The following BRD1 variants were observed in gnomAD, a reference collection of about 807,000 sequenced individuals.
The protein encoded by BRD1 is bromodomain-containing protein 1.
In BRD1, 24 loss-of-function variants were observed where a neutral mutation model predicts 107.7. The ratio of observed to expected loss-of-function variants is 0.22; its 90% confidence interval spans 0.16 to 0.31. The LOEUF (loss-of-function observed/expected upper bound fraction) is 0.31. BRD1 is among the 10% of genes least tolerant of loss of function. The pLI is 1.00. For synonymous variants in BRD1, 744 were observed against 686.1 expected (o/e 1.08, Z -1.32); for missense variants, 1,279 against 1,638.6 (o/e 0.78, Z 3.79).
At chr22:49,802,078 C>G (rs891650379) in intron 3 of BRD1, among the ~76,000 whole-genome samples, 1 of 152,280 alleles carries the variant, frequency 6.6e-6, no homozygotes, top group African/African-American at 2.4e-5. Flanking sequence ...GACCCAAGAT[C>G]TGAACCCTCA....
chr22:49,781,433 G>A (rs991467737), intron 8 of BRD1, among the ~76,000 whole-genome samples: 6 of 152,212 alleles, frequency 3.9e-5, no homozygotes, highest in Admixed American at 1.3e-4. Flanking sequence ...AGGTCTGACT[G>A]ATGGGCCGTA....
intron 2 of BRD1, among the ~76,000 whole-genome samples, chr22:49,812,188 C>T (rs2059863571): frequency 6.7e-6 from 1 of 150,224 alleles, no homozygotes; most frequent in Admixed American, 6.6e-5. Flanking sequence ...ACTGCAAGCT[C>T]CACCTCCTGG....
At chr22:49,819,876 T>C (rs1043670590) in intron 2 of BRD1, among the ~76,000 whole-genome samples, 1 of 152,022 alleles carries the variant, frequency 6.6e-6, no homozygotes. Context: ...ACGCCTGTAA[T>C]CCCAGCACTT....
In BRD1 at chr22:49,787,562, C is replaced by T. The variant is rs1466838603; in HGVS notation, c.2685G>A (p.Lys895=). The stretch of plus-strand genomic sequence containing the variant: ...GCTGGGTTTCAGTGTTCTTGGCAGA[C>T]TTTGGGGGGCTTACACTTTTCGATT... ...FCKSKSVSPP[K]SAKNTETQPT... The change falls in exon 8 of 13, where the codon AAG becomes AAA. Residue 895 remains lysine (K), a synonymous_variant. Transcript: ENST00000404760. The T allele has an allele frequency of 2.5e-6, 4 of 1,585,532 alleles. No homozygotes were observed. The African/African-American group carries it at 4.1e-5, about 16-fold the overall frequency.
chr22:49,777,038 T>C lies in BRD1; in HGVS notation c.3117A>G (p.Ala1039=). 1.2e-6 allele frequency: 2 copies of C among 1,613,114 alleles called. No individual in the cohort carries two copies. The highest frequency in any genetic ancestry group is 1.7e-6 in the Non-Finnish European group (2 of 1,179,980). Residue 1039 remains alanine (A), a synonymous_variant, in exon 10 of 13, where the codon GCA becomes GCG. Coordinates refer to ENST00000404760, the MANE Select transcript of BRD1 (RefSeq NM_001304808.3). ...NGNYAKAARI[A]AEVGQSSMWI... Reference sequence around the variant, plus strand: ...AGGCAGGTCCGGGCGACTCACCGGCTGCGATCCTGGCCGCCTTGGCGTAGT... The same window carrying C: ...AGGCAGGTCCGGGCGACTCACCGGCCGCGATCCTGGCCGCCTTGGCGTAGT...
Position 49,823,152 on chromosome 22 carries a change from G to C in BRD1, c.1166C>G (p.Thr389Arg). The stretch of plus-strand genomic sequence containing the variant: ...AGGCCTCCGGGTGCAGCCTGGAGGC[G>C]TGTGGACATCACAGTAAGCGGTCTT... ...VRKTAYCDVH[T>R]PPGCTRRPLN... The change falls in exon 2 of 13, where the codon ACG (threonine) becomes AGG (arginine). Residue 389 changes from threonine to arginine, a missense_variant. Physicochemically the swap from Thr to Arg is moderately conservative, Grantham distance 71. This residue lies in a region of BRD1 where 158 missense variants were observed against 310.2 expected (regional missense o/e 0.51). Transcript: ENST00000404760. 2 of 1,614,186 alleles carry C rather than the reference G, an allele frequency of 1.2e-6. No homozygotes were observed. The highest frequency in any genetic ancestry group is 1.7e-6 in the Non-Finnish European group (2 of 1,180,038).
chr22:49,794,756 T>A (rs570616768), intron 6 of BRD1, among the ~76,000 whole-genome samples: 58 of 152,352 alleles, frequency 3.8e-4, no homozygotes, highest in Middle Eastern at 3.4e-3. Flanking sequence ...CCATTGCACG[T>A]CCTAAGTGGT....
At chr22:49,774,466 T>G (rs762423666) in intron 12 of BRD1, 50 bp from the exon 13 acceptor site, 1 of 1,563,356 alleles carries the variant, frequency 6.4e-7, no homozygotes, top group South Asian at 1.2e-5. Context: ...ACATGGTATT[T>G]CAGCAGGCTC....
In BRD1 at chr22:49,784,381, G is replaced by A. The variant is rs558473513; in HGVS notation, c.2857+3009C>T. Among the ~76,000 whole-genome samples the A allele has an allele frequency of 5.9e-5, 9 of 152,058 alleles. No individual in the cohort carries two copies. The South Asian group carries it at 1.0e-3, about 18-fold the overall frequency. ...TCGCAGCAGGGGTCTCCGCAACGGC[G>A]GCGAGTGGAAGGCCGCTTCAGGTGA... On this transcript the variant is annotated intron_variant, in intron 8 of 12. Transcript: ENST00000404760.
In BRD1 at chr22:49,774,307, C is replaced by T; in HGVS notation, c.3496G>A (p.Ala1166Thr). 1.2e-6 allele frequency: 2 copies of T among 1,614,230 alleles called. No homozygotes were observed. Among genetic ancestry groups the T allele is most frequent in the South Asian group, 1.1e-5 (1 of 91,086 alleles). The change falls in exon 13 of 13, where the codon GCT becomes ACT. Residue 1166 changes from alanine to threonine, a missense_variant. Ala to Thr is a moderately conservative substitution (Grantham distance 58). This residue lies in a region of BRD1 where 136 missense variants were observed against 196.8 expected (regional missense o/e 0.69). Coordinates refer to ENST00000404760, the MANE Select transcript of BRD1 (RefSeq NM_001304808.3). ...AGGTGGTTCATGGCGCGGTCAAAAG[C>T]GATCCGCACGGCCTTCCGGATGCTG... ...NSSIRKAVRI[A>T]FDRAMNHLSR...
intron 7 of BRD1, among the ~76,000 whole-genome samples, chr22:49,788,426 G>A (rs2059370408): frequency 6.6e-6 from 1 of 152,090 alleles, no homozygotes; most frequent in African/African-American, 2.4e-5. Context: ...AGAAAGGCAG[G>A]GAAAAAAGCC....
chr22:49,820,380 T>C (rs565809616), intron 2 of BRD1, among the ~76,000 whole-genome samples: 227 of 152,178 alleles, frequency 1.5e-3, no homozygotes, highest in African/African-American at 5.3e-3. Context: ...ACCGGAGCCA[T>C]TGGTTAGTGC....
Position 49,823,997 on chromosome 22 carries a change from G to A in BRD1, c.321C>T (p.Ala107=), listed in dbSNP as rs1488853923. ...CACTGGCCGAGGCCGGCGTGCCGTGGGCGCTGGGGAGGGCCTCGTTTTTCT... is the reference window on the plus strand; with the variant it reads ...CACTGGCCGAGGCCGGCGTGCCGTGAGCGCTGGGGAGGGCCTCGTTTTTCT... ...VKKKNEALPS[A]HGTPASASAL... Residue 107 remains alanine (A), a synonymous_variant, in exon 2 of 13, where the codon GCC becomes GCT. Coordinates refer to ENST00000404760, the MANE Select transcript of BRD1 (RefSeq NM_001304808.3). 2 of 1,613,996 alleles carry A rather than the reference G, an allele frequency of 1.2e-6. No homozygotes were observed. The highest frequency in any genetic ancestry group is 1.1e-5 in the South Asian group (1 of 91,088).
At position 49,794,986 on chromosome 22, in the gene BRD1, A is replaced by C. The variant is rs995466028; in HGVS notation, c.2099-692T>G. On this transcript the variant is annotated intron_variant, in intron 6 of 12. Coordinates refer to ENST00000404760, the MANE Select transcript of BRD1 (RefSeq NM_001304808.3). ...CAGAGCTATCTGAAGATAAAACCAG[A>C]GCAAGAAGGAGAGAGAAGACAAAAA... is the stretch of plus-strand genomic sequence containing the variant. Among the ~76,000 whole-genome samples, 6 of 152,286 alleles carry C rather than the reference A, an allele frequency of 3.9e-5. No individual in the cohort carries two copies. The East Asian group carries it at 1.2e-3, about 29-fold the overall frequency.
intron 3 of BRD1, among the ~76,000 whole-genome samples, chr22:49,799,725 G>T (rs973898112): frequency 6.6e-6 from 1 of 152,190 alleles, no homozygotes; most frequent in Non-Finnish European, 1.5e-5. Context: ...AGAAGAGTGC[G>T]CCAGACAGCA....
At chr22:49,796,815 C>T (rs1321544841) in intron 6 of BRD1, among the ~76,000 whole-genome samples, 1 of 152,112 alleles carries the variant, frequency 6.6e-6, no homozygotes, top group Non-Finnish European at 1.5e-5. Context: ...CCCATGATGG[C>T]GGGAAGCGGA....
At chr22:49,811,455 C>T (rs539426018) in intron 2 of BRD1, among the ~76,000 whole-genome samples, 3 of 152,194 alleles carry the variant, frequency 2.0e-5, no homozygotes, top group Admixed American at 6.5e-5. Flanking sequence ...AGACCTCCAG[C>T]GGCTGCCTGA....
intron 2 of BRD1, among the ~76,000 whole-genome samples, chr22:49,819,966 C>T (rs539620029): frequency 6.6e-6 from 1 of 150,968 alleles, no homozygotes; most frequent in Admixed American, 6.6e-5. Flanking sequence ...CCCGTCTCTA[C>T]TAAAAATACA....
intron 9 of BRD1, 114 bp from the exon 10 acceptor site, chr22:49,777,275 C>G: frequency 1.3e-6 from 2 of 1,511,486 alleles, no homozygotes; most frequent in Non-Finnish European, 1.8e-6. Flanking sequence ...TGCCTGACAC[C>G]CCCGCGGCCA....
Sources: allele counts gnomAD v4.1 joint callset (sites outside exome capture counted in the v4.1 genomes callset), GRCh38; gene constraint gnomAD v4.1.1; regional missense constraint gnomAD v4.1.1; transcripts MANE v1.5; gene names NCBI Gene and HGNC (gene_info 2026-07-23, HGNC 2026-07-21).